FLT1: variants seen among roughly 807,000 people sequenced by gnomAD.
FLT1 encodes fms related receptor tyrosine kinase 1, also known as vascular endothelial growth factor receptor 1.
In FLT1, 49 loss-of-function variants were observed where a neutral mutation model predicts 156.3. That is an observed-to-expected ratio of 0.31 (90% confidence interval 0.25 to 0.40). FLT1 has a LOEUF of 0.40. Ranked by LOEUF, FLT1 falls within the 10% of genes least tolerant of loss-of-function variation. The probability of loss-of-function intolerance (pLI) is 1.00; values close to 1 mark genes in which losing one functional copy is unlikely to be tolerated. For missense variants in FLT1, 1,322 were observed against 1,637.2 expected (o/e 0.81, Z 3.32); for synonymous variants, 594 against 583.8 (o/e 1.02, Z -0.25).
intron 15 of FLT1, among the ~76,000 whole-genome samples, chr13:28,354,970 CAGA>C (rs946719552): frequency 2.0e-5 from 3 of 152,000 alleles, no homozygotes; most frequent in African/African-American, 7.2e-5. Flanking sequence ...TCTGACTTTT[CAGA>C]AAAGCATAAC....
intron 25 of FLT1, among the ~76,000 whole-genome samples, chr13:28,315,934 T>C (rs1198523557): frequency 6.6e-6 from 1 of 152,224 alleles, no homozygotes; most frequent in African/African-American, 2.4e-5. Context: ...CTCAGTTTCA[T>C]TACTTGCTAA....
intron 14 of FLT1, among the ~76,000 whole-genome samples, chr13:28,360,596 A>T (rs1449960153): frequency 6.6e-6 from 1 of 152,236 alleles, no homozygotes; most frequent in African/African-American, 2.4e-5. Context: ...ACTGAGAGAC[A>T]AATGCTGCAT....
At chr13:28,453,122 CTTTCCTTTCCTTTCCTTTCT>C (rs1879072010) in intron 3 of FLT1, among the ~76,000 whole-genome samples, 2 of 104,218 alleles carry the variant, frequency 1.9e-5, no homozygotes, top group East Asian at 5.5e-4. Context: ...CTTTCCTTTC[CTTTCCTTTCCTTTCCTTTCT>C]GACAGAGTTT....
At chr13:28,404,088 T>A in intron 11 of FLT1, among the ~76,000 whole-genome samples, 1 of 152,074 alleles carries the variant, frequency 6.6e-6, no homozygotes, top group Non-Finnish European at 1.5e-5. Flanking sequence ...AAATTAAACT[T>A]TCAAGTTTAT....
chr13:28,326,242 G>A (rs1038698379), intron 20 of FLT1, among the ~76,000 whole-genome samples: 20 of 152,202 alleles, frequency 1.3e-4, no homozygotes, highest in East Asian at 3.9e-4. Flanking sequence ...TTTAATAAAC[G>A]AGGGAACTGA....
chr13:28,391,863 G>T (rs1241544757), intron 12 of FLT1, among the ~76,000 whole-genome samples: 1 of 152,046 alleles, frequency 6.6e-6, no homozygotes, highest in Non-Finnish European at 1.5e-5. Flanking sequence ...TAAAAAGTCT[G>T]CCGGCCCTGA....
chr13:28,425,388 T>G (rs1006508514), intron 10 of FLT1, among the ~76,000 whole-genome samples: 4 of 152,188 alleles, frequency 2.6e-5, no homozygotes, highest in African/African-American at 9.6e-5. Flanking sequence ...TAAGACATGT[T>G]TTCAGGCCTT....
chr13:28,474,841 G>A (rs993587127), intron 1 of FLT1, among the ~76,000 whole-genome samples: 3 of 152,014 alleles, frequency 2.0e-5, no homozygotes, highest in African/African-American at 7.3e-5. Context: ...TCATATTCTG[G>A]TCTCCTATAG....
At chr13:28,396,842 T>G (rs1303234040) in intron 12 of FLT1, 118 bp downstream of exon 12, 2 of 726,488 alleles carry the variant, frequency 2.8e-6, no homozygotes, top group Non-Finnish European at 5.0e-6. Context: ...ACTCAAAGTT[T>G]GACAATTCTA....
chr13:28,327,962 C>T (rs1240032641), intron 19 of FLT1, among the ~76,000 whole-genome samples: 1 of 152,164 alleles, frequency 6.6e-6, no homozygotes. Context: ...CTCCCTACCA[C>T]GACAGAGACG....
At chr13:28,308,811 G>C (rs9579177) in intron 28 of FLT1, 32 bp downstream of exon 28, 32 of 1,278,322 alleles carry the variant, frequency 2.5e-5, no homozygotes, top group Non-Finnish European at 3.1e-5. Context: ...GGTCTATCGG[G>C]GTGCACTAGG....
chr13:28,308,658 T>C (rs1353658217), intron 28 of FLT1, among the ~76,000 whole-genome samples, 185 bp downstream of exon 28: 1 of 152,224 alleles, frequency 6.6e-6, no homozygotes, highest in Non-Finnish European at 1.5e-5. Flanking sequence ...CATGGAACTC[T>C]ACTTTCAAAT....
chr13:28,436,290 G>A (rs986002774), intron 4 of FLT1, among the ~76,000 whole-genome samples: 1 of 152,184 alleles, frequency 6.6e-6, no homozygotes. Context: ...CTCCGACAAA[G>A]CAGGCATGTG....
chr13:28,354,366 C>A (rs1010954594), intron 15 of FLT1, among the ~76,000 whole-genome samples: 1 of 152,126 alleles, frequency 6.6e-6, no homozygotes, highest in African/African-American at 2.4e-5. Context: ...GACTTGAAAC[C>A]TGCCTCTTGG....
At chr13:28,432,614 C>A (rs1405953664) in intron 6 of FLT1, among the ~76,000 whole-genome samples, 1 of 152,218 alleles carries the variant, frequency 6.6e-6, no homozygotes, top group Non-Finnish European at 1.5e-5. Flanking sequence ...TTTCCTCAGT[C>A]ACACTAGTCA....
In FLT1 at chr13:28,420,083, C is replaced by A. The variant is rs566941383; in HGVS notation, c.1436+7076G>T. ...AAAGCAGAGAAAAGTGGCAAAGGGG[C>A]CTTTGGCAAAAGAACTCATGCTCTG... On this transcript the variant is annotated intron_variant, in intron 10 of 29. Transcript: ENST00000282397. 5.9e-5 allele frequency among the ~76,000 whole-genome samples: 9 copies of A among 152,234 alleles called. 1 individual carries two copies. In the South Asian group the frequency reaches 1.5e-3, roughly 25 times the overall value.
intron 11 of FLT1, among the ~76,000 whole-genome samples, chr13:28,404,001 C>A (rs1875624684): frequency 6.7e-6 from 1 of 150,136 alleles, no homozygotes; most frequent in African/African-American, 2.4e-5. Context: ...GAGATTGGGC[C>A]ACTGCACTCC....
At chr13:28,389,383 A>G in intron 13 of FLT1, 1 of 1,266,512 alleles carries the variant, frequency 7.9e-7, no homozygotes, top group Non-Finnish European at 9.9e-7. Flanking sequence ...CTTAAAAATA[A>G]AAAGAGGTTG....
At position 28,388,014 on chromosome 13, in the gene FLT1, C is replaced by T. The variant is rs951231443; in HGVS notation, c.1969+1782G>A. On this transcript the variant is annotated intron_variant, in intron 13 of 29. Coordinates refer to ENST00000282397, the MANE Select transcript of FLT1 (RefSeq NM_002019.4). ...TTCACCATTTTGTTTTCATAAGGATCCCTCAATCATTCTGTTTGCTTTTTT... is the reference window on the plus strand; with the variant it reads ...TTCACCATTTTGTTTTCATAAGGATTCCTCAATCATTCTGTTTGCTTTTTT... 1.2e-5 allele frequency: 13 copies of T among 1,059,648 alleles called. No individual in the cohort carries two copies. The South Asian group carries it at 1.8e-4, about 15-fold the overall frequency. 65.6% of individuals were successfully genotyped at this position (1,059,648 alleles called of 1,614,324 possible). A position where few individuals can be genotyped will look rare whatever the true frequency, so the allele number is the denominator to read the frequency against.
Sources: gnomAD v4.1 joint callset for allele counts (sites outside exome capture counted in the v4.1 genomes callset) on GRCh38, gnomAD v4.1.1 for gene constraint, MANE v1.5 for transcripts, NCBI Gene and HGNC (gene_info 2026-07-23, HGNC 2026-07-21) for gene names.